ADAM28: variants seen among roughly 807,000 people sequenced by gnomAD.
ADAM28 encodes disintegrin and metalloproteinase domain-containing protein 28.
A neutral mutation model predicts 101.2 loss-of-function variants in ADAM28; 105 were observed. That is an observed-to-expected ratio of 1.04 (90% CI 0.89 to 1.22). ADAM28 has a LOEUF of 1.22. ADAM28 is among the 50% of genes most tolerant of loss of function. The probability of loss-of-function intolerance (pLI) is 0.00; values close to 1 mark genes in which losing one functional copy is unlikely to be tolerated. For synonymous variants in ADAM28, 322 were observed against 310.6 expected (o/e 1.04, Z -0.39); for missense variants, 1,028 against 945.4 (o/e 1.09, Z -1.15).
intron 5 of ADAM28, 91 bp from the exon 6 acceptor site, chr8:24,313,297 A>G: frequency 8.0e-7 from 1 of 1,246,472 alleles, no homozygotes; most frequent in Non-Finnish European, 1.1e-6. Flanking sequence ...TTGACTAGGA[A>G]TTTTAAAGGT....
chr8:24,316,060 CCATTTATT>C (rs775016817), intron 6 of ADAM28, among the ~76,000 whole-genome samples: 100 of 147,920 alleles, frequency 6.8e-4, no homozygotes, highest in East Asian at 1.4e-3. Flanking sequence ...ATCATAAAGG[CCATTTATT>C]TATTTATTTA....
At chr8:24,340,785 T>C (rs575597507) in intron 15 of ADAM28, 1 of 152,330 alleles carries the variant, frequency 6.6e-6, no homozygotes, top group African/African-American at 2.4e-5. Flanking sequence ...AAACATATTT[T>C]CTACAGCCAA....
rs1380490965 is a variant in ADAM28, at chr8:24,356,009, T to C, written c.*1605T>C. 1 of 152,136 alleles carries C rather than the reference T, an allele frequency of 6.6e-6. No individual in the cohort carries two copies. Among genetic ancestry groups the C allele is most frequent in the Non-Finnish European group, 1.5e-5 (1 of 68,020 alleles). 9.4% of individuals were successfully genotyped at this position (152,136 alleles called of 1,614,324 possible). On this transcript the variant is annotated 3_prime_UTR_variant, in exon 23 of 23. Coordinates refer to ENST00000265769, the MANE Select transcript of ADAM28 (RefSeq NM_014265.6). Reference sequence around the variant, plus strand: ...CTTCATGAGGAACTTTATGGTTCATTTACCCTTGCAGTATGAGGTTCTAGA... The same window carrying C: ...CTTCATGAGGAACTTTATGGTTCATCTACCCTTGCAGTATGAGGTTCTAGA...
At chr8:24,304,596 T>G (rs938362096) in intron 2 of ADAM28, among the ~76,000 whole-genome samples, 4 of 152,160 alleles carry the variant, frequency 2.6e-5, no homozygotes, top group African/African-American at 4.8e-5. Context: ...CTGGGTGCAT[T>G]GGCTCACACC....
At position 24,355,885 on chromosome 8, in the gene ADAM28, G is replaced by C. The variant is rs574072394; in HGVS notation, c.*1481G>C. ...TAAAGTAGCTGTTTCCATAATCAGGGAACATGCTTTAGTTCATCATCACAG... is the reference window on the plus strand; with the variant it reads ...TAAAGTAGCTGTTTCCATAATCAGGCAACATGCTTTAGTTCATCATCACAG... On this transcript the variant is annotated 3_prime_UTR_variant, in exon 23 of 23. Coordinates refer to ENST00000265769, the MANE Select transcript of ADAM28 (RefSeq NM_014265.6). The C allele has an allele frequency of 4.6e-5, 7 of 152,176 alleles. No homozygotes were observed. The South Asian group carries it at 1.5e-3, about 32-fold the overall frequency. The allele number at this position is 152,176 out of a possible 1,614,324, so 9.4% of individuals were successfully genotyped here.
chr8:24,347,842 T>G (rs967334616), intron 18 of ADAM28, among the ~76,000 whole-genome samples: 2 of 152,162 alleles, frequency 1.3e-5, no homozygotes, highest in African/African-American at 4.8e-5. Flanking sequence ...GTATTTGTTT[T>G]GGTCTGTATT....
chr8:24,354,953 T>G lies in ADAM28; in HGVS notation c.*549T>G, dbSNP rs1816577971. On this transcript the variant is annotated 3_prime_UTR_variant, in exon 23 of 23. Coordinates refer to ENST00000265769, the MANE Select transcript of ADAM28 (RefSeq NM_014265.6). ...GGTATAACTAAGAATTTAAAAATGT[T>G]TTATCATATATATTTGTATAATTAA... The G allele has an allele frequency of 6.6e-6, 1 of 152,578 alleles. No homozygotes were observed. The highest frequency in any genetic ancestry group is 2.4e-5 in the African/African-American group (1 of 41,450). 9.5% of individuals were successfully genotyped at this position (152,578 alleles called of 1,614,324 possible).
At chr8:24,313,809 G>C (rs1464911360) in intron 6 of ADAM28, among the ~76,000 whole-genome samples, 1 of 148,342 alleles carries the variant, frequency 6.7e-6, no homozygotes, top group Non-Finnish European at 1.5e-5. Flanking sequence ...CTGGGCTGTA[G>C]TGCAATGGTG....
intron 5 of ADAM28, among the ~76,000 whole-genome samples, chr8:24,312,403 C>G (rs1485418817): frequency 6.6e-6 from 1 of 152,012 alleles, no homozygotes; most frequent in Non-Finnish European, 1.5e-5. Flanking sequence ...TTTTCAATCC[C>G]TTACCAAGTC....
intron 14 of ADAM28, among the ~76,000 whole-genome samples, chr8:24,337,245 G>A (rs1272262080): frequency 6.6e-6 from 1 of 152,220 alleles, no homozygotes; most frequent in African/African-American, 2.4e-5. Flanking sequence ...GATGCGCCAG[G>A]TTAAAGGTGG....
In ADAM28 at chr8:24,306,355, A is replaced by ATATATATATATATATATAT. The variant is rs1489348958; in HGVS notation, c.151-3539_151-3538insTATATATATATATATATAT. Among the ~76,000 whole-genome samples, 135 of 107,686 alleles carry ATATATATATATATATATAT rather than the reference A, an allele frequency of 1.3e-3. 1 individual carries two copies. Among genetic ancestry groups the ATATATATATATATATATAT allele is most frequent in the East Asian group, 3.8e-3 (10 of 2,620 alleles). 70.6% of individuals were successfully genotyped at this position (107,686 alleles called of 152,430 possible). ...TGAGACTCCATCTCAAATACAAATAAATAAATAAATATATATATATATATA... is the reference window on the plus strand; with the variant it reads ...TGAGACTCCATCTCAAATACAAATAATATATATATATATATATATATAAATAAATATATATATATATATA... On this transcript the variant is annotated intron_variant, in intron 2 of 22. Coordinates refer to ENST00000265769, the MANE Select transcript of ADAM28 (RefSeq NM_014265.6).
intron 10 of ADAM28, among the ~76,000 whole-genome samples, chr8:24,329,232 G>GT (rs1049505113): frequency 1.2e-4 from 19 of 152,084 alleles, no homozygotes; most frequent in African/African-American, 1.7e-4. Context: ...GCTGTTCCTT[G>GT]TTTGCCACTC....
intron 1 of ADAM28, among the ~76,000 whole-genome samples, chr8:24,294,993 A>AGGG (rs1198447457): frequency 6.6e-6 from 1 of 152,136 alleles, no homozygotes. Context: ...TCCTCCCAGT[A>AGGG]AACCTGTTCT....
chr8:24,352,422 G>T (rs1446352873), intron 21 of ADAM28, among the ~76,000 whole-genome samples: 2 of 152,204 alleles, frequency 1.3e-5, no homozygotes, highest in African/African-American at 4.8e-5. Flanking sequence ...AGTGTCTGGT[G>T]AAGCGGCCTT....
rs1816586720 is a variant in ADAM28 at position 24,355,066 on chromosome 8, A to T, written c.*662A>T. On this transcript the variant is annotated 3_prime_UTR_variant, in exon 23 of 23. Transcript: ENST00000265769. ...GGATAAACCAGGTTGCGAACTGGTG[A>T]CCTGTAGGCCATGTTTGCACTGCAA... 6.6e-6 allele frequency: 1 copy of T among 152,582 alleles called. No individual in the cohort carries two copies. Among genetic ancestry groups the T allele is most frequent in the African/African-American group, 2.4e-5 (1 of 41,444 alleles). The allele number at this position is 152,582 out of a possible 1,614,324, so 9.5% of individuals were successfully genotyped here.
At chr8:24,347,724 T>G (rs62498250) in intron 18 of ADAM28, among the ~76,000 whole-genome samples, 15,012 of 152,086 alleles carry the variant, frequency 0.099, 971 homozygotes, top group East Asian at 0.26. Flanking sequence ...AGAGTGTTGC[T>G]TCTTCCAAAT....
chr8:24,307,961 C>G (rs984391057), intron 2 of ADAM28, among the ~76,000 whole-genome samples: 3 of 152,178 alleles, frequency 2.0e-5, no homozygotes, highest in African/African-American at 7.2e-5. Context: ...TCTGTGTATT[C>G]TACGGCTGCC....
Position 24,351,224 on chromosome 8 carries a change from T to C in ADAM28, c.2100-8T>C, listed in dbSNP as rs1421531854. 1 of 1,566,862 alleles carries C rather than the reference T, an allele frequency of 6.4e-7. No individual in the cohort carries two copies. Among genetic ancestry groups the C allele is most frequent in the Admixed American group, 1.9e-5 (1 of 52,322 alleles). The stretch of plus-strand genomic sequence containing the variant: ...AGTCAATTGATATCATGTGTTTCTC[T>C]CTTACAGGCCACTATCTACCACTGG... On this transcript the variant is annotated splice_region_variant and splice_polypyrimidine_tract_variant and intron_variant, in intron 19 of 22. Coordinates refer to ENST00000265769, the MANE Select transcript of ADAM28 (RefSeq NM_014265.6).
At chr8:24,333,025 GA>G (rs1250265498) in intron 13 of ADAM28, among the ~76,000 whole-genome samples, 1 of 152,118 alleles carries the variant, frequency 6.6e-6, no homozygotes, top group Non-Finnish European at 1.5e-5. Context: ...CTACAGCCTG[GA>G]TACACCTGAG....
Sources: gnomAD v4.1 joint callset for allele counts (sites outside exome capture counted in the v4.1 genomes callset) on GRCh38, gnomAD v4.1.1 for gene constraint, MANE v1.5 for transcripts, NCBI Gene and HGNC (gene_info 2026-07-23, HGNC 2026-07-21) for gene names.